Variants in SGCZ observed in about 807,000 individuals in gnomAD.
The protein encoded by SGCZ is zeta-sarcoglycan.
In SGCZ, 40 loss-of-function variants were observed where a neutral mutation model predicts 41.3. The observed-to-expected ratio is 0.97, with a 90% confidence interval of 0.75 to 1.26. The LOEUF (loss-of-function observed/expected upper bound fraction) is 1.26. SGCZ is among the 50% of genes most tolerant of loss of function. SGCZ has a pLI of 0.00. For synonymous variants in SGCZ, 206 were observed against 137.5 expected (o/e 1.50, Z -3.49); for missense variants, 552 against 369.8 (o/e 1.49, Z -4.04).
chr8:14,989,298 T>G lies in SGCZ; in HGVS notation c.39+248287A>C, dbSNP rs76446791. Among the ~76,000 whole-genome samples the G allele has an allele frequency of 8.5e-3, 1,298 of 152,216 alleles. 27 individuals carry two copies. The highest frequency in any genetic ancestry group is 0.029 in the African/African-American group (1,212 of 41,532). Reference sequence around the variant, plus strand: ...TGCAAGGGTCCCCATATCACTGTTCTGTACTCCCCAACAACGTACCAGAAA... The same window carrying G: ...TGCAAGGGTCCCCATATCACTGTTCGGTACTCCCCAACAACGTACCAGAAA... On this transcript the variant is annotated intron_variant, in intron 1 of 7. Transcript: ENST00000382080.
intron 1 of SGCZ, among the ~76,000 whole-genome samples, chr8:15,048,376 A>G (rs1172029605): frequency 2.0e-5 from 3 of 152,052 alleles, no homozygotes; most frequent in African/African-American, 7.2e-5. Flanking sequence ...GGGCACAAAA[A>G]TACAGTTAGA....
chr8:14,651,586 C>T (rs971281436), intron 1 of SGCZ, among the ~76,000 whole-genome samples: 1 of 152,060 alleles, frequency 6.6e-6, no homozygotes. Context: ...CGCACACTCA[C>T]TCAGAATCTA....
chr8:14,882,479 G>C (rs193008650), intron 1 of SGCZ, among the ~76,000 whole-genome samples: 1 of 151,934 alleles, frequency 6.6e-6, no homozygotes, highest in Non-Finnish European at 1.5e-5. Flanking sequence ...AGTGAATATC[G>C]TTGGTACTGT....
intron 1 of SGCZ, among the ~76,000 whole-genome samples, chr8:15,029,864 T>C (rs923908572): frequency 6.6e-6 from 1 of 152,146 alleles, no homozygotes; most frequent in African/African-American, 2.4e-5. Flanking sequence ...TTATAATAGA[T>C]CATCTTGAAT....
chr8:14,860,845 C>G (rs1481851435), intron 1 of SGCZ, among the ~76,000 whole-genome samples: 2 of 152,060 alleles, frequency 1.3e-5, no homozygotes, highest in Non-Finnish European at 2.9e-5. Context: ...CTCAGAAGGG[C>G]CTTGAACTTG....
chr8:14,401,486 G>T (rs1219551529), intron 2 of SGCZ, among the ~76,000 whole-genome samples: 1 of 131,846 alleles, frequency 7.6e-6, no homozygotes, highest in Non-Finnish European at 1.5e-5. Context: ...CCCTTCCTGT[G>T]TCCACGTGAT....
At position 14,905,208 on chromosome 8, in the gene SGCZ, A is replaced by C. The variant is rs557514760; in HGVS notation, c.39+332377T>G. Among the ~76,000 whole-genome samples, 45 of 152,204 alleles carry C rather than the reference A, an allele frequency of 3.0e-4. 1 individual carries two copies. In the South Asian group the frequency reaches 4.3e-3, roughly 15 times the overall value. ...AGATTTTACTATCTAAAATATAACA[A>C]ACACTTCCTTAATCATTTCAAAAAA... is the stretch of plus-strand genomic sequence containing the variant. On this transcript the variant is annotated intron_variant, in intron 1 of 7. Coordinates refer to ENST00000382080, the MANE Select transcript of SGCZ (RefSeq NM_139167.4).
intron 1 of SGCZ, among the ~76,000 whole-genome samples, chr8:14,823,474 A>G (rs1802183081): frequency 6.6e-6 from 1 of 152,190 alleles, no homozygotes; most frequent in Non-Finnish European, 1.5e-5. Flanking sequence ...CAGATATGAA[A>G]AAATGCTCAA....
intron 2 of SGCZ, among the ~76,000 whole-genome samples, chr8:14,525,111 G>A (rs62498402): frequency 4.7e-5 from 1 of 21,250 alleles, no homozygotes; most frequent in Non-Finnish European, 1.6e-4. Flanking sequence ...ATAGACAGAT[G>A]ATAGATAGAT....
chr8:14,859,598 A>G (rs544109125), intron 1 of SGCZ, among the ~76,000 whole-genome samples: 181 of 152,254 alleles, frequency 1.2e-3, no homozygotes, highest in African/African-American at 4.1e-3. Flanking sequence ...TTGTCCCAAT[A>G]TAATGAAAAC....
At chr8:14,374,476 T>C (rs1443810964) in intron 2 of SGCZ, among the ~76,000 whole-genome samples, 1 of 152,214 alleles carries the variant, frequency 6.6e-6, no homozygotes, top group Non-Finnish European at 1.5e-5. Flanking sequence ...ATTGAATTTT[T>C]TTTTCCAGTG....
intron 3 of SGCZ, among the ~76,000 whole-genome samples, chr8:14,270,594 A>G (rs1452943941): frequency 6.6e-6 from 1 of 152,162 alleles, no homozygotes; most frequent in Non-Finnish European, 1.5e-5. Context: ...TGGGAGCTAT[A>G]ACAGCTAAGA....
intron 1 of SGCZ, among the ~76,000 whole-genome samples, chr8:14,963,156 A>G (rs559533209): frequency 1.3e-5 from 2 of 152,308 alleles, no homozygotes; most frequent in South Asian, 4.1e-4. Context: ...TACTCCCAGG[A>G]AAATAGGAAA....
chr8:14,575,930 A>G (rs1382034074), intron 1 of SGCZ, among the ~76,000 whole-genome samples: 2 of 145,916 alleles, frequency 1.4e-5, no homozygotes, highest in East Asian at 1.9e-4. Context: ...AAAAAAAAAA[A>G]AAAAAGAAAG....
intron 1 of SGCZ, among the ~76,000 whole-genome samples, chr8:15,145,090 C>T (rs577454638): frequency 1.3e-5 from 2 of 152,294 alleles, no homozygotes; most frequent in South Asian, 4.1e-4. Flanking sequence ...AGTCACAAGA[C>T]ATCCTTTGAT....
intron 1 of SGCZ, among the ~76,000 whole-genome samples, chr8:14,903,647 A>G (rs1408160393): frequency 1.3e-5 from 2 of 152,102 alleles, no homozygotes; most frequent in Non-Finnish European, 2.9e-5. Context: ...CTATCCTGGA[A>G]GACTGAGAAT....
chr8:15,016,115 A>G (rs1392173329), intron 1 of SGCZ, among the ~76,000 whole-genome samples: 2 of 152,268 alleles, frequency 1.3e-5, no homozygotes, highest in Admixed American at 1.3e-4. Flanking sequence ...TGCTCCCAAC[A>G]TTAATCCAGG....
chr8:14,324,468 ATCCTT>A (rs1296683850), intron 2 of SGCZ, among the ~76,000 whole-genome samples: 1 of 152,116 alleles, frequency 6.6e-6, no homozygotes, highest in East Asian at 1.9e-4. Context: ...CCACGAATAA[ATCCTT>A]TACTTTCTTC....
chr8:15,169,232 G>A (rs1048090781), intron 1 of SGCZ, among the ~76,000 whole-genome samples: 14 of 152,118 alleles, frequency 9.2e-5, no homozygotes, highest in African/African-American at 3.4e-4. Context: ...CTAATCTAAG[G>A]GCAGTTAGAT....
Sources: gnomAD v4.1 joint callset for allele counts (sites outside exome capture counted in the v4.1 genomes callset) on GRCh38, gnomAD v4.1.1 for gene constraint, MANE v1.5 for transcripts, NCBI Gene and HGNC (gene_info 2026-07-23, HGNC 2026-07-21) for gene names.